Variants in ICMT observed in about 807,000 individuals in gnomAD.
The protein encoded by ICMT is protein-S-isoprenylcysteine O-methyltransferase.
ICMT carries 10 observed loss-of-function variants against 32.2 expected under a neutral mutation model. That is an observed-to-expected ratio of 0.31 (90% CI 0.19 to 0.53). ICMT has a LOEUF of 0.53. Among genes scored for constraint, ICMT ranks in the 20% least tolerant of loss-of-function variants. ICMT has a pLI of 0.96. For missense variants in ICMT, 265 were observed against 356.9 expected, an observed-to-expected ratio of 0.74 and a Z score of 2.07; for synonymous variants, 183 against 158.2, an observed-to-expected ratio of 1.16 and a Z score of -1.18.
In ICMT at chr1:6,223,309, A is replaced by ACTT; in HGVS notation, c.*1770_*1771insAAG. 6.6e-6 allele frequency: 1 copy of ACTT among 152,120 alleles called. No individual in the cohort carries two copies. 9.4% of individuals were successfully genotyped at this position (152,120 alleles called of 1,614,324 possible). On this transcript the variant is annotated 3_prime_UTR_variant, in exon 5 of 5. Transcript: ENST00000343813. ...TTTTTAGTAGAGACGGGGTTTTATCATGTTGGCCAGGCTGGTCTCGAACGC... is the reference window on the plus strand; with the variant it reads ...TTTTTAGTAGAGACGGGGTTTTATCACTTTGTTGGCCAGGCTGGTCTCGAACGC...
intron 4 of ICMT, among the ~76,000 whole-genome samples, chr1:6,228,287 T>C (rs1668675245): frequency 6.6e-6 from 1 of 150,526 alleles, no homozygotes; most frequent in Non-Finnish European, 1.5e-5. Flanking sequence ...CCAGATATAT[T>C]TTTAGTTTTT....
chr1:6,224,007 TTTAAGA>T lies in ICMT; in HGVS notation c.*1067_*1072del, dbSNP rs1204694001. On this transcript the variant is annotated 3_prime_UTR_variant, in exon 5 of 5. Coordinates refer to ENST00000343813, the MANE Select transcript of ICMT (RefSeq NM_012405.4). ...ATCTTAGTTGGGACTATTTGCAGTA[TTTAAGA>T]TTATTTTTGAGAGTCAATCTGCTTG... 1 of 152,202 alleles carries T rather than the reference TTTAAGA, an allele frequency of 6.6e-6. No individual in the cohort carries two copies. Among genetic ancestry groups the T allele is most frequent in the Admixed American group, 6.5e-5 (1 of 15,280 alleles). 9.4% of individuals were successfully genotyped at this position (152,202 alleles called of 1,614,324 possible). A position where few individuals can be genotyped will look rare whatever the true frequency, so the allele number is the denominator to read the frequency against.
In ICMT at chr1:6,225,172, G is replaced by A. The variant is rs1264394902; in HGVS notation, c.763C>T (p.Leu255=). 1 of 1,614,150 alleles carries A rather than the reference G, an allele frequency of 6.2e-7. No individual in the cohort carries two copies. The highest frequency in any genetic ancestry group is 2.2e-5 in the East Asian group (1 of 44,886). ...TACTCCTCTCCAAAAAAGTGAATTA[G>A]TGAGATTTCTTCTTCTTCTGTTCGA... ...RDRTEEEEIS[L]IHFFGEEYLE... Residue 255 remains leucine, a synonymous_variant, in exon 5 of 5, where the codon CTA becomes TTA. Transcript: ENST00000343813.
chr1:6,232,705 G>A (rs1247414731), intron 3 of ICMT, among the ~76,000 whole-genome samples: 1 of 151,058 alleles, frequency 6.6e-6, no homozygotes, highest in Admixed American at 6.6e-5. Context: ...TGCACTACCA[G>A]GCCCGGCTAA....
At chr1:6,235,364 G>A (rs1668805257) in intron 1 of ICMT, among the ~76,000 whole-genome samples, 1 of 152,174 alleles carries the variant, frequency 6.6e-6, no homozygotes, top group African/African-American at 2.4e-5. Flanking sequence ...ATGAGGTCAG[G>A]GCACCCGGGC....
chr1:6,234,288 A>G (rs926488490), intron 2 of ICMT: 1 of 357,318 alleles, frequency 2.8e-6, no homozygotes, highest in Admixed American at 3.9e-5. Context: ...AAAGAGGGAG[A>G]TAACAACATA....
In ICMT at chr1:6,221,636, G is replaced by C. The variant is rs1056690880; in HGVS notation, c.*3444C>G. 5.2e-5 allele frequency: 8 copies of C among 152,804 alleles called. No individual in the cohort carries two copies. Among genetic ancestry groups the C allele is most frequent in the Admixed American group, 3.9e-4 (6 of 15,300 alleles). 9.5% of individuals were successfully genotyped at this position (152,804 alleles called of 1,614,324 possible). ...CCTGATCGGCTAACGCAGCTTCCTG[G>C]TTTAGGAACATTTTCCCCGGTCGTA... On this transcript the variant is annotated 3_prime_UTR_variant, in exon 5 of 5. Transcript: ENST00000343813.
At chr1:6,227,841 G>T (rs1668667878) in intron 4 of ICMT, among the ~76,000 whole-genome samples, 1 of 151,722 alleles carries the variant, frequency 6.6e-6, no homozygotes, top group Non-Finnish European at 1.5e-5. Context: ...GGGCGACAGA[G>T]CGAGACTCTG....
In ICMT at chr1:6,235,921, C is replaced by G. The variant is rs1261488574; in HGVS notation, c.-10G>C. ...CCGCGCAGCCCGCCATGGCGCCGGGCGGCGGACTAGCGGGCGGCGGCGCCG... is the reference window on the plus strand; with the variant it reads ...CCGCGCAGCCCGCCATGGCGCCGGGGGGCGGACTAGCGGGCGGCGGCGCCG... On this transcript the variant is annotated 5_prime_UTR_variant, in exon 1 of 5. Transcript: ENST00000343813. 3.6e-6 allele frequency: 4 copies of G among 1,110,570 alleles called. No homozygotes were observed. The highest frequency in any genetic ancestry group is 1.7e-5 in the African/African-American group (1 of 60,134). The allele number at this position is 1,110,570 out of a possible 1,614,324, so 68.8% of individuals were successfully genotyped here.
intron 3 of ICMT, 67 bp from the exon 4 acceptor site, chr1:6,232,186 G>T: frequency 1.8e-6 from 2 of 1,131,450 alleles, no homozygotes; most frequent in Non-Finnish European, 2.5e-6. Context: ...CCTTCGCACT[G>T]CTTAAAATTA....
rs1423065516 is a variant in ICMT at position 6,221,763 on chromosome 1, GT to G, written c.*3316del. On this transcript the variant is annotated 3_prime_UTR_variant, in exon 5 of 5. Coordinates refer to ENST00000343813, the MANE Select transcript of ICMT (RefSeq NM_012405.4). ...GGGGTGGCAGGTGCGCTGCTGCCTT[GT>G]TTTCTGTCCTGCTAAGAGGCTCACC... is the stretch of plus-strand genomic sequence containing the variant. The G allele has an allele frequency of 7.2e-5, 11 of 152,220 alleles. No homozygotes were observed. Among genetic ancestry groups the G allele is most frequent in the Non-Finnish European group, 1.5e-4 (10 of 68,044 alleles). The allele number at this position is 152,220 out of a possible 1,614,324, so 9.4% of individuals were successfully genotyped here.
chr1:6,221,872 G>A lies in ICMT; in HGVS notation c.*3208C>T, dbSNP rs1366229931. 6.6e-6 allele frequency: 1 copy of A among 152,206 alleles called. No homozygotes were observed. 9.4% of individuals were successfully genotyped at this position (152,206 alleles called of 1,614,324 possible). On this transcript the variant is annotated 3_prime_UTR_variant, in exon 5 of 5. Coordinates refer to ENST00000343813, the MANE Select transcript of ICMT (RefSeq NM_012405.4). Reference sequence around the variant, plus strand: ...CTTCACTCTATGCTGTTTCCAGGTAGCTTTGTTCTGACAGTACCTATTTTC... The same window carrying A: ...CTTCACTCTATGCTGTTTCCAGGTAACTTTGTTCTGACAGTACCTATTTTC...
rs1173131535 is a variant in ICMT, at chr1:6,221,665, A to C, written c.*3415T>G. On this transcript the variant is annotated 3_prime_UTR_variant, in exon 5 of 5. Coordinates refer to ENST00000343813, the MANE Select transcript of ICMT (RefSeq NM_012405.4). Reference sequence around the variant, plus strand: ...AGGAACATTTTCCCCGGTCGTATCAATCCCCCAGGTTGGTAAATGAACAGA... The same window carrying C: ...AGGAACATTTTCCCCGGTCGTATCACTCCCCCAGGTTGGTAAATGAACAGA... The C allele has an allele frequency of 6.6e-6, 1 of 152,618 alleles. No homozygotes were observed. The highest frequency in any genetic ancestry group is 1.5e-5 in the Non-Finnish European group (1 of 68,044). 9.5% of individuals were successfully genotyped at this position (152,618 alleles called of 1,614,324 possible).
Position 6,224,343 on chromosome 1 carries a change from G to A in ICMT, c.*737C>T, listed in dbSNP as rs749981103. 6.6e-6 allele frequency: 1 copy of A among 152,108 alleles called. No homozygotes were observed. Among genetic ancestry groups the A allele is most frequent in the African/African-American group, 2.4e-5 (1 of 41,406 alleles). 9.4% of individuals were successfully genotyped at this position (152,108 alleles called of 1,614,324 possible). A position where few individuals can be genotyped will look rare whatever the true frequency, so the allele number is the denominator to read the frequency against. On this transcript the variant is annotated 3_prime_UTR_variant, in exon 5 of 5. Transcript: ENST00000343813. The stretch of plus-strand genomic sequence containing the variant: ...TGAGACCCCCGGGAAAGCCAGCCAG[G>A]GCCATGATCCCCTTGGCCTGGGGCC...
chr1:6,229,063 T>C (rs1471802859), intron 4 of ICMT, among the ~76,000 whole-genome samples: 4 of 149,136 alleles, frequency 2.7e-5, no homozygotes, highest in African/African-American at 7.4e-5. Context: ...AAGAAATACA[T>C]GTGGTGGCTC....
At chr1:6,235,598 G>T in intron 1 of ICMT, 119 bp downstream of exon 1, 1 of 636,100 alleles carries the variant, frequency 1.6e-6, no homozygotes, top group Non-Finnish European at 2.1e-6. Context: ...CTGAACTCGC[G>T]GATGAAGAGC....
At chr1:6,230,903 GAAAA>G (rs557858792) in intron 4 of ICMT, among the ~76,000 whole-genome samples, 1 of 73,372 alleles carries the variant, frequency 1.4e-5, no homozygotes. Context: ...TCTCAAAAAG[GAAAA>G]AAAAAAAAAA....
At chr1:6,230,345 T>C (rs944862165) in intron 4 of ICMT, among the ~76,000 whole-genome samples, 3 of 152,152 alleles carry the variant, frequency 2.0e-5, no homozygotes, top group Admixed American at 2.0e-4. Flanking sequence ...AAACTCCTGA[T>C]GTCAAGTGAC....
chr1:6,234,871 C>T lies in ICMT; in HGVS notation c.284+15G>A. 1 of 1,595,782 alleles carries T rather than the reference C, an allele frequency of 6.3e-7. No homozygotes were observed. Among genetic ancestry groups the T allele is most frequent in the South Asian group, 1.1e-5 (1 of 90,694 alleles). The stretch of plus-strand genomic sequence containing the variant: ...ACCCTCGCCTGAAAACCAGTATTTC[C>T]GAAGGAATTCTTACCAGCCAAAGTG... On this transcript the variant is annotated intron_variant, in intron 2 of 4. Coordinates refer to ENST00000343813, the MANE Select transcript of ICMT (RefSeq NM_012405.4).
Sources: allele counts gnomAD v4.1 joint callset (sites outside exome capture counted in the v4.1 genomes callset), GRCh38; gene constraint gnomAD v4.1.1; transcripts MANE v1.5; gene names NCBI Gene and HGNC (gene_info 2026-07-23, HGNC 2026-07-21).